NALF1: variants seen among roughly 807,000 people sequenced by gnomAD.
NALF1 encodes family with sequence similarity 155 member A.
A neutral mutation model predicts 48.4 loss-of-function variants in NALF1; 3 were observed. That is an observed-to-expected ratio of 0.06 (90% CI 0.03 to 0.16). NALF1 has a LOEUF of 0.16. Ranked by LOEUF, NALF1 falls within the 10% of genes least tolerant of loss-of-function variation. NALF1 has a pLI of 1.00. For missense variants in NALF1, 526 were observed against 571.5 expected, an observed-to-expected ratio of 0.92 and a Z score of 0.81; for synonymous variants, 262 against 245.7, an observed-to-expected ratio of 1.07 and a Z score of -0.62.
intron 1 of NALF1, among the ~76,000 whole-genome samples, chr13:107,859,814 C>T (rs912290805): frequency 2.7e-5 from 4 of 149,154 alleles, no homozygotes; most frequent in Non-Finnish European, 4.4e-5. Context: ...ACTCAGGAGA[C>T]TGAGGCAGGA....
intron 1 of NALF1, among the ~76,000 whole-genome samples, chr13:107,395,299 T>C (rs945824172): frequency 1.3e-5 from 2 of 152,154 alleles, no homozygotes; most frequent in African/African-American, 4.8e-5. Flanking sequence ...CTGAATTGAT[T>C]ATGTTCACTA....
chr13:107,348,743 C>T (rs76602707), intron 1 of NALF1, among the ~76,000 whole-genome samples: 2,622 of 152,122 alleles, frequency 0.017, 85 homozygotes, highest in African/African-American at 0.059. Context: ...TATTTTCAGA[C>T]GAAGCAGGCA....
At chr13:107,389,827 C>G (rs940311322) in intron 1 of NALF1, among the ~76,000 whole-genome samples, 1 of 152,078 alleles carries the variant, frequency 6.6e-6, no homozygotes, top group African/African-American at 2.4e-5. Context: ...TAAATTGTTT[C>G]AAGGACGTAA....
chr13:107,803,070 G>C (rs1878669481), intron 1 of NALF1, among the ~76,000 whole-genome samples: 2 of 152,112 alleles, frequency 1.3e-5, no homozygotes, highest in Admixed American at 1.3e-4. Flanking sequence ...TATATATTCA[G>C]TTATCCAAAA....
intron 1 of NALF1, among the ~76,000 whole-genome samples, chr13:107,648,380 T>C (rs1309888015): frequency 6.6e-6 from 1 of 152,136 alleles, no homozygotes; most frequent in Non-Finnish European, 1.5e-5. Context: ...ACTGATTTGT[T>C]TACTCTCTAT....
At chr13:107,379,174 T>G (rs1484420526) in intron 1 of NALF1, among the ~76,000 whole-genome samples, 2 of 152,182 alleles carry the variant, frequency 1.3e-5, no homozygotes, top group Non-Finnish European at 2.9e-5. Flanking sequence ...GTTGGCAGAT[T>G]CCATTTCTTA....
intron 1 of NALF1, among the ~76,000 whole-genome samples, chr13:107,475,650 G>A (rs1266630130): frequency 1.3e-5 from 2 of 152,200 alleles, no homozygotes; most frequent in Admixed American, 6.5e-5. Context: ...AATACTTGAA[G>A]AGCCAAGGAA....
chr13:107,361,188 A>G (rs1230048318), intron 1 of NALF1, among the ~76,000 whole-genome samples: 1 of 152,192 alleles, frequency 6.6e-6, no homozygotes, highest in Non-Finnish European at 1.5e-5. Flanking sequence ...CAGATAAACA[A>G]AAAGCTACTA....
intron 1 of NALF1, among the ~76,000 whole-genome samples, chr13:107,364,436 T>C (rs1207594369): frequency 2.0e-5 from 3 of 152,242 alleles, no homozygotes; most frequent in Non-Finnish European, 4.4e-5. Context: ...GTGAAAACAC[T>C]GGCAGTGACA....
intron 1 of NALF1, among the ~76,000 whole-genome samples, chr13:107,491,443 G>A (rs188158059): frequency 2.0e-4 from 29 of 148,186 alleles, no homozygotes; most frequent in African/African-American, 6.7e-4. Context: ...TGGAGAGTTC[G>A]GGCTCCACTC....
chr13:107,202,474 TTA>T (rs1271315891), intron 2 of NALF1, among the ~76,000 whole-genome samples: 1 of 151,690 alleles, frequency 6.6e-6, no homozygotes. Flanking sequence ...CACAGACATT[TTA>T]GAAACTTTAG....
intron 1 of NALF1, among the ~76,000 whole-genome samples, chr13:107,589,085 C>T (rs1878534007): frequency 6.6e-6 from 1 of 151,950 alleles, no homozygotes; most frequent in Non-Finnish European, 1.5e-5. Context: ...TATGGTTTTC[C>T]TTATTTTTGA....
At chr13:107,816,749 A>G (rs1435058126) in intron 1 of NALF1, among the ~76,000 whole-genome samples, 1 of 152,214 alleles carries the variant, frequency 6.6e-6, no homozygotes, top group Admixed American at 6.5e-5. Context: ...TTGCATTAAA[A>G]AAAAACCTTA....
intron 1 of NALF1, among the ~76,000 whole-genome samples, chr13:107,227,626 G>C (rs1880133202): frequency 6.6e-6 from 1 of 152,162 alleles, no homozygotes; most frequent in Non-Finnish European, 1.5e-5. Context: ...AAGTACTTGT[G>C]GTTAAAGCAG....
At chr13:107,521,022 G>C (rs1014597849) in intron 1 of NALF1, among the ~76,000 whole-genome samples, 7 of 152,112 alleles carry the variant, frequency 4.6e-5, no homozygotes, top group African/African-American at 1.7e-4. Context: ...AAGGTGTGAG[G>C]TCATACATCT....
intron 1 of NALF1, among the ~76,000 whole-genome samples, chr13:107,264,999 T>A (rs1318535553): frequency 6.6e-6 from 1 of 152,234 alleles, no homozygotes; most frequent in African/African-American, 2.4e-5. Context: ...TTCCTAAACA[T>A]TGTCCATCAT....
chr13:107,672,431 T>C (rs1026459417), intron 1 of NALF1, among the ~76,000 whole-genome samples: 2 of 152,094 alleles, frequency 1.3e-5, no homozygotes, highest in Non-Finnish European at 2.9e-5. Flanking sequence ...GTGCTCCCTG[T>C]AGACACGGTG....
At chr13:107,494,437 G>GAGAGCTGAAATCAACAC (rs1875255452) in intron 1 of NALF1, among the ~76,000 whole-genome samples, 1 of 152,154 alleles carries the variant, frequency 6.6e-6, no homozygotes, top group Non-Finnish European at 1.5e-5. Flanking sequence ...ATGAAAAGAT[G>GAGAGCTGAAATCAACAC]AGAGCTGAAA....
chr13:107,772,448 C>A (rs1877607465), intron 1 of NALF1, among the ~76,000 whole-genome samples: 1 of 151,934 alleles, frequency 6.6e-6, no homozygotes, highest in South Asian at 2.1e-4. Context: ...AAAACAAAAT[C>A]TTGTCCTGGC....
Sources: allele counts gnomAD v4.1 joint callset (sites outside exome capture counted in the v4.1 genomes callset), GRCh38; gene constraint gnomAD v4.1.1; transcripts MANE v1.5; gene names NCBI Gene and HGNC (gene_info 2026-07-23, HGNC 2026-07-21).